The following STARD7 variants were observed in gnomAD, a reference collection of about 807,000 sequenced individuals.
The protein encoded by STARD7 is StAR related lipid transfer domain containing 7.
A neutral mutation model predicts 45.3 loss-of-function variants in STARD7; 30 were observed. The observed-to-expected ratio is 0.66, with a 90% CI of 0.50 to 0.90. The LOEUF (loss-of-function observed/expected upper bound fraction) is 0.90, where lower values mean the gene tolerates loss of function less well. STARD7 is among the 40% of genes least tolerant of loss of function. The pLI, the probability that STARD7 is intolerant of heterozygous loss-of-function variation, is 0.00. For missense variants in STARD7, 495 were observed against 491.3 expected, an observed-to-expected ratio of 1.01 and a Z score of -0.07; for synonymous variants, 199 against 183.0, an observed-to-expected ratio of 1.09 and a Z score of -0.70.
rs560875916 is a variant in STARD7, at chr2:96,197,121, T to C, written c.291-1572A>G. Among the ~76,000 whole-genome samples, 210 of 136,368 alleles carry C rather than the reference T, an allele frequency of 1.5e-3. 9 individuals are homozygous for C. Among genetic ancestry groups the C allele is most frequent in the Middle Eastern group, 4.1e-3 (1 of 242 alleles). 89.5% of individuals were successfully genotyped at this position (136,368 alleles called of 152,430 possible). A position where few individuals can be genotyped will look rare whatever the true frequency, so the allele number is the denominator to read the frequency against. ...TAAAATAAAATAAAATAAAATAAAA[T>C]AAAGCCAAGCACAACGGCTCACGCC... On this transcript the variant is annotated intron_variant, in intron 1 of 7. Coordinates refer to ENST00000337288, the MANE Select transcript of STARD7 (RefSeq NM_020151.4).
intron 3 of STARD7, 92 bp downstream of exon 3, chr2:96,194,866 C>T: frequency 9.3e-7 from 1 of 1,072,582 alleles, no homozygotes; most frequent in Admixed American, 2.2e-5. Flanking sequence ...TGTACTTAAG[C>T]CAATGTCACC....
At chr2:96,201,675 G>A (rs1369397715) in intron 1 of STARD7, among the ~76,000 whole-genome samples, 3 of 152,002 alleles carry the variant, frequency 2.0e-5, no homozygotes, top group South Asian at 2.1e-4. Context: ...GCCTGCGCCT[G>A]TAATCCCAGC....
At chr2:96,192,273 C>G in intron 6 of STARD7, 96 bp downstream of exon 6, 2 of 1,002,782 alleles carry the variant, frequency 2.0e-6, no homozygotes, top group Non-Finnish European at 1.6e-6. Flanking sequence ...AGAACTGTTC[C>G]TGCGCCACAC....
At chr2:96,201,775 G>A (rs1235500705) in intron 1 of STARD7, among the ~76,000 whole-genome samples, 1 of 152,158 alleles carries the variant, frequency 6.6e-6, no homozygotes, top group Non-Finnish European at 1.5e-5. Flanking sequence ...TCCAGCCTGG[G>A]TGAGAGTGAA....
rs201681183 is a variant in STARD7 at position 96,195,332 on chromosome 2, T to G, written c.499+9A>C. ...TATGGAACCCAAAAGATAGCCACAC[T>G]GGGCTCACCTCGGTACTGGTAAAGG... On this transcript the variant is annotated intron_variant, in intron 2 of 7. Transcript: ENST00000337288. 6.5e-5 allele frequency: 101 copies of G among 1,558,796 alleles called. No homozygotes were observed. The African/African-American group carries it at 1.2e-3, about 19-fold the overall frequency.
chr2:96,208,542 T>G lies in STARD7; in HGVS notation c.-108A>C. 9.7e-7 allele frequency: 1 copy of G among 1,025,834 alleles called. No individual in the cohort carries two copies. Among genetic ancestry groups the G allele is most frequent in the Non-Finnish European group, 1.3e-6 (1 of 767,766 alleles). 63.5% of individuals were successfully genotyped at this position (1,025,834 alleles called of 1,614,324 possible). ...CCCTAAATGGCCGGCCACGAACCCGTCTCACGGTCCCGCGGCCAGGAGCCG... is the reference window on the plus strand; with the variant it reads ...CCCTAAATGGCCGGCCACGAACCCGGCTCACGGTCCCGCGGCCAGGAGCCG... On this transcript the variant is annotated 5_prime_UTR_variant, in exon 1 of 8. Transcript: ENST00000337288.
intron 7 of STARD7, 38 bp downstream of exon 7, chr2:96,187,179 A>G (rs770975474): frequency 6.8e-7 from 1 of 1,469,344 alleles, no homozygotes; most frequent in Non-Finnish European, 9.5e-7. Flanking sequence ...AAAATGCTCA[A>G]CCCAGGTTCC....
intron 1 of STARD7, among the ~76,000 whole-genome samples, chr2:96,198,480 A>C (rs1484313429): frequency 6.6e-6 from 1 of 152,230 alleles, no homozygotes; most frequent in Non-Finnish European, 1.5e-5. Context: ...CCAAACAATT[A>C]CACTATTTTA....
intron 6 of STARD7, among the ~76,000 whole-genome samples, chr2:96,188,525 T>G (rs964552417): frequency 2.0e-5 from 3 of 151,210 alleles, no homozygotes; most frequent in African/African-American, 7.3e-5. Flanking sequence ...TCCACCCACC[T>G]TGGCCTCCCA....
chr2:96,207,018 T>C (rs1011388379), intron 1 of STARD7, among the ~76,000 whole-genome samples: 1 of 152,232 alleles, frequency 6.6e-6, no homozygotes, highest in African/African-American at 2.4e-5. Context: ...TTAACTTTTT[T>C]GTGAATAAGG....
chr2:96,203,359 A>G (rs930822617), intron 1 of STARD7, among the ~76,000 whole-genome samples: 2 of 152,262 alleles, frequency 1.3e-5, no homozygotes, highest in African/African-American at 2.4e-5. Flanking sequence ...TCAAGAAAAG[A>G]GAGACCATGC....
At chr2:96,187,434 A>G in intron 6 of STARD7, 133 bp from the exon 7 acceptor site, 1 of 639,000 alleles carries the variant, frequency 1.6e-6, no homozygotes, top group South Asian at 1.9e-5. Flanking sequence ...TGTGCAGAAA[A>G]GAGTTAACAC....
intron 6 of STARD7, among the ~76,000 whole-genome samples, chr2:96,190,923 G>C (rs911773207): frequency 2.6e-5 from 4 of 152,112 alleles, no homozygotes; most frequent in African/African-American, 9.7e-5. Flanking sequence ...CAGCATTTTG[G>C]GAGGCTGAGG....
chr2:96,208,462 C>T lies in STARD7; in HGVS notation c.-28G>A, dbSNP rs1268893715. ...CGCCTCCCGCAGGGCCCGCCGCGAG[C>T]TTCCGGGGCCCAAGGAACCAGTCCG... On this transcript the variant is annotated 5_prime_UTR_variant, in exon 1 of 8. Transcript: ENST00000337288. 7.4e-7 allele frequency: 1 copy of T among 1,357,486 alleles called. No individual in the cohort carries two copies. The highest frequency in any genetic ancestry group is 3.1e-5 in the East Asian group (1 of 32,738). The allele number at this position is 1,357,486 out of a possible 1,614,324, so 84.1% of individuals were successfully genotyped here.
chr2:96,206,251 G>C (rs1272584353), intron 1 of STARD7, among the ~76,000 whole-genome samples: 1 of 151,952 alleles, frequency 6.6e-6, no homozygotes, highest in African/African-American at 2.4e-5. Context: ...GAGGCTCCAG[G>C]ATCTATTAAT....
chr2:96,189,063 C>T (rs1455534802), intron 6 of STARD7, among the ~76,000 whole-genome samples: 1 of 151,966 alleles, frequency 6.6e-6, no homozygotes, highest in Non-Finnish European at 1.5e-5. Context: ...AGTCATCCCA[C>T]CTCAACCTCC....
intron 1 of STARD7, among the ~76,000 whole-genome samples, chr2:96,199,552 C>T (rs1573945084): frequency 6.6e-6 from 1 of 152,148 alleles, no homozygotes; most frequent in South Asian, 2.1e-4. Context: ...GCTCTAATTG[C>T]TTTCTGTAGA....
chr2:96,189,468 G>T (rs1196365250), intron 6 of STARD7, among the ~76,000 whole-genome samples: 1 of 152,112 alleles, frequency 6.6e-6, no homozygotes, highest in Non-Finnish European at 1.5e-5. Flanking sequence ...ACTCAGAAAG[G>T]CCGAGGCGGG....
Position 96,193,090 on chromosome 2 carries a change from AC to A in STARD7, c.730del (p.Val244CysfsTer45). On this transcript the variant is annotated frameshift_variant, in exon 5 of 8. Transcript: ENST00000337288. LOFTEE classifies it high-confidence loss of function. Reference protein sequence around the residue: ...YSVDQENNMMVLVSRAVEHPS... With the variant: ...YSVDQENNMMXLVSRAVEHPS... The stretch of plus-strand genomic sequence containing the variant: ...CAGCCATACATACCGCGACACCAAC[AC>A]CATCATGTTGTTTTCCTGATCCACA... The A allele has an allele frequency of 6.2e-7, 1 of 1,613,274 alleles. No individual in the cohort carries two copies. Among genetic ancestry groups the A allele is most frequent in the South Asian group, 1.1e-5 (1 of 91,002 alleles).
Sources: allele counts gnomAD v4.1 joint callset (sites outside exome capture counted in the v4.1 genomes callset), GRCh38; gene constraint gnomAD v4.1.1; transcripts MANE v1.5; gene names NCBI Gene and HGNC (gene_info 2026-07-23, HGNC 2026-07-21).